The following LAMTOR4 variants were observed in gnomAD, a reference collection of about 807,000 sequenced individuals.
LAMTOR4 encodes the protein late endosomal/lysosomal adaptor, MAPK and MTOR activator 4.
In LAMTOR4, 11 loss-of-function variants were observed where a neutral mutation model predicts 13.5. The observed-to-expected ratio is 0.82, with a 90% CI of 0.51 to 1.35. The LOEUF (loss-of-function observed/expected upper bound fraction) is 1.35. Among genes scored for constraint, LAMTOR4 ranks in the 40% most tolerant of loss-of-function variants. The probability of loss-of-function intolerance (pLI) is 0.00; values close to 1 mark genes in which losing one functional copy is unlikely to be tolerated. For synonymous variants in LAMTOR4, 69 were observed against 52.3 expected, an observed-to-expected ratio of 1.32 and a Z score of -1.38; for missense variants, 128 against 126.2, an observed-to-expected ratio of 1.01 and a Z score of -0.07.
chr7:100,151,870 A>C (rs1484457032), intron 2 of LAMTOR4, among the ~76,000 whole-genome samples: 1 of 151,690 alleles, frequency 6.6e-6, no homozygotes, highest in African/African-American at 2.4e-5. Context: ...CCATTAAAAA[A>C]AAAAAAAAAA....
rs539549068 is a variant in LAMTOR4, at chr7:100,153,456, C to G, written c.141C>G (p.Val47=). The change falls in exon 3 of 4, where the codon GTC becomes GTG. Residue 47 remains valine (V), a synonymous_variant. Transcript: ENST00000341942. ...CAGCCAGTGCCATCTCTGAGCTGGT[C>G]AGCACAGCCTGCGGTTTCCGGCTGC... The part of the protein sequence containing the change: ...EQAASAISEL[V]STACGFRLHR... The G allele has an allele frequency of 6.2e-7, 1 of 1,610,894 alleles. No individual in the cohort carries two copies. Among genetic ancestry groups the G allele is most frequent in the Non-Finnish European group, 8.5e-7 (1 of 1,180,010 alleles).
chr7:100,153,752 T>G (rs1798793782), intron 3 of LAMTOR4, 115 bp from the exon 4 acceptor site: 1 of 811,756 alleles, frequency 1.2e-6, no homozygotes, highest in South Asian at 1.4e-5. Context: ...AGAACTTCTT[T>G]GGCTTTGATC....
At chr7:100,149,351 A>AG in intron 1 of LAMTOR4, 148 bp from the exon 2 acceptor site, 1 of 627,208 alleles carries the variant, frequency 1.6e-6, no homozygotes. Context: ...AGGACCATGT[A>AG]GGGGGGAGGG....
chr7:100,153,150 GAAA>G (rs371476464), intron 2 of LAMTOR4, among the ~76,000 whole-genome samples: 1 of 114,570 alleles, frequency 8.7e-6, no homozygotes, highest in Non-Finnish European at 1.9e-5. Context: ...TCTCAAAAAA[GAAA>G]AAAAAAAAAA....
At chr7:100,149,668 T>C in intron 2 of LAMTOR4, 89 bp downstream of exon 2, 1 of 1,000,984 alleles carries the variant, frequency 1.0e-6, no homozygotes. Context: ...GGCTTTTATC[T>C]GGTTTCCTGC....
intron 2 of LAMTOR4, 73 bp downstream of exon 2, chr7:100,149,652 T>G: frequency 8.8e-7 from 1 of 1,136,804 alleles, no homozygotes; most frequent in Admixed American, 1.8e-5. Context: ...TGGCCCTTCT[T>G]TTCTCGGCTT....
At chr7:100,150,874 A>T (rs1798678161) in intron 2 of LAMTOR4, among the ~76,000 whole-genome samples, 1 of 151,814 alleles carries the variant, frequency 6.6e-6, no homozygotes, top group Admixed American at 6.6e-5. Flanking sequence ...TTGTAGTCCC[A>T]GCTACTCGGG....
At chr7:100,153,794 G>A (rs1361553094) in intron 3 of LAMTOR4, 73 bp from the exon 4 acceptor site, 9 of 1,058,050 alleles carry the variant, frequency 8.5e-6, no homozygotes, top group African/African-American at 1.6e-5. Context: ...CCGCCCCATG[G>A]AGTCTGTTGC....
chr7:100,152,185 G>C (rs772532252), intron 2 of LAMTOR4, among the ~76,000 whole-genome samples: 4 of 152,104 alleles, frequency 2.6e-5, no homozygotes, highest in Admixed American at 6.6e-5. Flanking sequence ...TGAGGTGGGT[G>C]GATCACTTGA....
At chr7:100,153,284 C>G in intron 2 of LAMTOR4, 116 bp from the exon 3 acceptor site, 1 of 737,906 alleles carries the variant, frequency 1.4e-6, no homozygotes, top group South Asian at 1.6e-5. Context: ...GCTGAGGGTA[C>G]TGGCAAGCCA....
Position 100,149,029 on chromosome 7 carries a change from C to T in LAMTOR4, c.3+54C>T, listed in dbSNP as rs1020072603. On this transcript the variant is annotated intron_variant, in intron 1 of 3. Coordinates refer to ENST00000341942, the MANE Select transcript of LAMTOR4 (RefSeq NM_001008395.4). ...CCGCCGGGGGTTCAGCGTCTCTGCT[C>T]CCCAGTCTGTGTGGTTTCCCCCTGG... is the stretch of plus-strand genomic sequence containing the variant. The T allele has an allele frequency of 1.0e-5, 16 of 1,590,064 alleles. No individual in the cohort carries two copies. In the East Asian group the frequency reaches 3.1e-4, roughly 31 times the overall value.
chr7:100,151,179 A>G (rs1414308247), intron 2 of LAMTOR4, among the ~76,000 whole-genome samples: 2 of 150,548 alleles, frequency 1.3e-5, no homozygotes, highest in Non-Finnish European at 1.5e-5. Flanking sequence ...GGTTCAAGTG[A>G]TTTTCCTGCC....
chr7:100,154,036 C>G lies in LAMTOR4; in HGVS notation c.*72C>G, dbSNP rs185978679. 3 of 1,191,730 alleles carry G rather than the reference C, an allele frequency of 2.5e-6. No individual in the cohort carries two copies. The highest frequency in any genetic ancestry group is 3.7e-6 in the Non-Finnish European group (3 of 820,560). The allele number at this position is 1,191,730 out of a possible 1,614,324, so 73.8% of individuals were successfully genotyped here. A position where few individuals can be genotyped will look rare whatever the true frequency, so the allele number is the denominator to read the frequency against. On this transcript the variant is annotated 3_prime_UTR_variant, in exon 4 of 4. Coordinates refer to ENST00000341942, the MANE Select transcript of LAMTOR4 (RefSeq NM_001008395.4). ...TCTGTGATGAGGCAGGCACACCTGTCGGTCTTGGCTTGCTGCTAGAACTAG... is the reference window on the plus strand; with the variant it reads ...TCTGTGATGAGGCAGGCACACCTGTGGGTCTTGGCTTGCTGCTAGAACTAG...
intron 2 of LAMTOR4, 150 bp from the exon 3 acceptor site, chr7:100,153,250 G>T (rs1798763124): frequency 1.5e-6 from 1 of 665,114 alleles, no homozygotes; most frequent in African/African-American, 1.8e-5. Context: ...TATAGGGGGA[G>T]ATTTCAGGTT....
rs764890936 is a variant in LAMTOR4 at position 100,153,919 on chromosome 7, T to G, written c.255T>G (p.Phe85Leu). ...TGACGGTGTCAGGACAGAGGGTGTT[T>G]GTGGTGAAGAGGCAGAACCGAGGTC... ...LLVTVSGQRV[F>L]VVKRQNRGRE... Residue 85 changes from phenylalanine to leucine, a missense_variant, in exon 4 of 4, where the codon TTT becomes TTG. Physicochemically the swap from Phe to Leu is conservative, Grantham distance 22. Coordinates refer to ENST00000341942, the MANE Select transcript of LAMTOR4 (RefSeq NM_001008395.4). The G allele has an allele frequency of 1.9e-6, 3 of 1,596,434 alleles. No individual in the cohort carries two copies. The highest frequency in any genetic ancestry group is 1.8e-5 in the Admixed American group (1 of 56,294).
chr7:100,151,361 G>A (rs982093278), intron 2 of LAMTOR4, among the ~76,000 whole-genome samples: 31 of 151,320 alleles, frequency 2.0e-4, no homozygotes, highest in Non-Finnish European at 3.8e-4. Context: ...ACAGGCATAA[G>A]CCACTGCACC....
At chr7:100,150,998 A>G (rs1198651057) in intron 2 of LAMTOR4, among the ~76,000 whole-genome samples, 5 of 143,942 alleles carry the variant, frequency 3.5e-5, no homozygotes, top group Non-Finnish European at 7.7e-5. Flanking sequence ...CAAAAAAAAC[A>G]AAAAAAAAAA....
intron 1 of LAMTOR4, 92 bp from the exon 2 acceptor site, chr7:100,149,407 C>G (rs907937784): frequency 2.3e-6 from 2 of 877,556 alleles, no homozygotes; most frequent in African/African-American, 3.3e-5. Flanking sequence ...CTGGGGCCAT[C>G]GTCAACCCAG....
At chr7:100,150,682 G>A (rs536560879) in intron 2 of LAMTOR4, among the ~76,000 whole-genome samples, 1 of 152,100 alleles carries the variant, frequency 6.6e-6, no homozygotes, top group Non-Finnish European at 1.5e-5. Flanking sequence ...GCAGAAGGAG[G>A]CGTCATTAAG....
Sources: allele counts gnomAD v4.1 joint callset (sites outside exome capture counted in the v4.1 genomes callset), GRCh38; gene constraint gnomAD v4.1.1; transcripts MANE v1.5; gene names NCBI Gene and HGNC (gene_info 2026-07-23, HGNC 2026-07-21).